The following KLF15 variants were observed in gnomAD, a reference collection of about 807,000 sequenced individuals.
The protein encoded by KLF15 is Krueppel-like factor 15.
A neutral mutation model predicts 24.6 loss-of-function variants in KLF15; 4 were observed. The observed-to-expected ratio is 0.16, with a 90% CI of 0.08 to 0.37. The LOEUF (loss-of-function observed/expected upper bound fraction) is 0.37, where lower values mean the gene tolerates loss of function less well. Among genes scored for constraint, KLF15 ranks in the 10% least tolerant of loss-of-function variants. The pLI is 1.00. For missense variants in KLF15, 496 were observed against 560.6 expected, an observed-to-expected ratio of 0.88 and a Z score of 1.16; for synonymous variants, 246 against 236.3, an observed-to-expected ratio of 1.04 and a Z score of -0.37.
chr3:126,302,059 C>T, the KLF15 span, among the ~76,000 whole-genome samples: 1 of 152,216 alleles, frequency 6.6e-6, no homozygotes, highest in East Asian at 1.9e-4. Flanking sequence ...ATAACATCTG[C>T]AAGTATTAAT....
At chr3:126,310,281 T>C in the KLF15 span, among the ~76,000 whole-genome samples, 1 of 152,204 alleles carries the variant, frequency 6.6e-6, no homozygotes. Flanking sequence ...AAAATACACA[T>C]CACTGAGACC....
the KLF15 span, among the ~76,000 whole-genome samples, chr3:126,295,887 C>T: frequency 6.6e-6 from 1 of 152,146 alleles, no homozygotes; most frequent in South Asian, 2.1e-4. Flanking sequence ...TAGCCAGGGA[C>T]CCCCTAAACC....
At position 126,352,902 on chromosome 3, in the gene KLF15, T is replaced by C; in HGVS notation, c.21A>G (p.Pro7=). 1.9e-6 allele frequency: 3 copies of C among 1,607,466 alleles called. No individual in the cohort carries two copies. The highest frequency in any genetic ancestry group is 1.7e-6 in the Non-Finnish European group (2 of 1,176,736). Residue 7 remains proline, a synonymous_variant, in exon 2 of 3, where the codon CCA becomes CCG. Coordinates refer to ENST00000296233, the MANE Select transcript of KLF15 (RefSeq NM_014079.4). ...TTGGCGACGAGAAGTTCTCGTCCAC[T>C]GGAAGTAAGTGGTCCACCATGCTGG... MVDHLL[P]VDENFSSPKC...
the KLF15 span, among the ~76,000 whole-genome samples, chr3:126,318,585 A>C: frequency 1.3e-5 from 2 of 152,224 alleles, no homozygotes; most frequent in Non-Finnish European, 2.9e-5. Context: ...ACTGTGCTCT[A>C]GGGACGATTT....
At chr3:126,316,603 A>AAGGGAGTGCACAGGCCAGAGTGGGGC in the KLF15 span, among the ~76,000 whole-genome samples, 3,144 of 142,310 alleles carry the variant, frequency 0.022, 138 homozygotes, top group African/African-American at 0.079. Context: ...GGGAGTGGGG[A>AAGGGAGTGCACAGGCCAGAGTGGGGC]AGGGAGTGCA....
chr3:126,344,037 A>G, intron 2 of KLF15, 142 bp from the exon 3 acceptor site: 1 of 797,112 alleles, frequency 1.3e-6, no homozygotes, highest in Non-Finnish European at 1.9e-6. Context: ...CTACAGGATT[A>G]GGGGAGGGTC....
At chr3:126,304,012 C>A in the KLF15 span, among the ~76,000 whole-genome samples, 2 of 151,942 alleles carry the variant, frequency 1.3e-5, no homozygotes, top group African/African-American at 4.8e-5. Context: ...GTTTTAATGC[C>A]TTTGTCTGAT....
At chr3:126,302,041 C>T in the KLF15 span, among the ~76,000 whole-genome samples, 10 of 152,050 alleles carry the variant, frequency 6.6e-5, no homozygotes, top group Non-Finnish European at 1.5e-4. Context: ...TCTCTAAGTA[C>T]TGCTTTAATA....
Position 126,352,417 on chromosome 3 carries a change from G to A in KLF15, c.506C>T (p.Ala169Val), listed in dbSNP as rs368953798. 2 of 1,613,514 alleles carry A rather than the reference G, an allele frequency of 1.2e-6. No individual in the cohort carries two copies. The highest frequency in any genetic ancestry group is 1.7e-6 in the Non-Finnish European group (2 of 1,179,916). The change falls in exon 2 of 3, where the codon GCC becomes GTC. Residue 169 changes from alanine (A) to valine (V), a missense_variant. Ala to Val is a moderately conservative substitution (Grantham distance 64, BLOSUM62 0). Around this residue, in one of 3 missense-constraint regions of KLF15, gnomAD observed 399 missense variants for 423.1 expected, o/e 0.94. Coordinates refer to ENST00000296233, the MANE Select transcript of KLF15 (RefSeq NM_014079.4). Reference sequence around the variant, plus strand: ...TGGCCCAGCTGAGAGCTGGCTGCAGGCATCCAAGTCCTTGCTGTTGCCCTC... The same window carrying A: ...TGGCCCAGCTGAGAGCTGGCTGCAGACATCCAAGTCCTTGCTGTTGCCCTC... ...VPEGNSKDLD[A>V]CSQLSAGPHK...
At chr3:126,341,683 G>T (rs944350707), downstream of KLF15, among the ~76,000 whole-genome samples, 1 of 152,088 alleles carries the variant, frequency 6.6e-6, no homozygotes, top group African/African-American at 2.4e-5. Flanking sequence ...TGAGATGCAC[G>T]ACCTCACACA....
chr3:126,313,445 C>T, the KLF15 span, among the ~76,000 whole-genome samples: 4 of 152,214 alleles, frequency 2.6e-5, no homozygotes, highest in Non-Finnish European at 4.4e-5. Flanking sequence ...ATTACATCTG[C>T]AGTGACCCTA....
chr3:126,308,372 T>C, the KLF15 span, among the ~76,000 whole-genome samples: 1 of 152,120 alleles, frequency 6.6e-6, no homozygotes, highest in East Asian at 1.9e-4. Context: ...TGGAAGGACA[T>C]ATGGCCTTGT....
At chr3:126,295,642 C>G in the KLF15 span, among the ~76,000 whole-genome samples, 1 of 152,234 alleles carries the variant, frequency 6.6e-6, no homozygotes, top group Non-Finnish European at 1.5e-5. Flanking sequence ...GTGAGACTGT[C>G]TGTCCCTTGA....
the KLF15 span, among the ~76,000 whole-genome samples, chr3:126,309,791 G>T: frequency 6.6e-6 from 1 of 152,154 alleles, no homozygotes; most frequent in Non-Finnish European, 1.5e-5. Flanking sequence ...TGATCCTGGT[G>T]ACTCTTATAG....
the KLF15 span, among the ~76,000 whole-genome samples, chr3:126,329,838 C>CT: frequency 2.2e-3 from 319 of 141,792 alleles, 1 homozygote; most frequent in East Asian, 7.6e-3. Context: ...TATTATTACA[C>CT]TTTTTTTTTT....
chr3:126,317,241 C>A, the KLF15 span, among the ~76,000 whole-genome samples: 13 of 152,264 alleles, frequency 8.5e-5, 1 homozygote, highest in East Asian at 2.5e-3. Flanking sequence ...TATACATTTC[C>A]CAAGAAGCAA....
At chr3:126,341,644 G>A (rs1576580198), downstream of KLF15, among the ~76,000 whole-genome samples, 1 of 152,070 alleles carries the variant, frequency 6.6e-6, no homozygotes, top group African/African-American at 2.4e-5. Context: ...TGTGCTGGGC[G>A]GCTGGTGAGA....
At chr3:126,317,270 T>C in the KLF15 span, among the ~76,000 whole-genome samples, 3 of 152,144 alleles carry the variant, frequency 2.0e-5, no homozygotes, top group Non-Finnish European at 2.9e-5. Flanking sequence ...TAGTCAGACA[T>C]GAGCAGGGCA....
chr3:126,298,547 C>G, the KLF15 span, among the ~76,000 whole-genome samples: 21 of 152,124 alleles, frequency 1.4e-4, no homozygotes, highest in African/African-American at 4.3e-4. Flanking sequence ...TTTGCCTAAG[C>G]CAATGTCTAC....
Sources: gnomAD v4.1 joint callset for allele counts (sites outside exome capture counted in the v4.1 genomes callset) on GRCh38, gnomAD v4.1.1 for gene constraint, gnomAD v4.1.1 regional missense constraint, MANE v1.5 for transcripts, NCBI Gene and HGNC (gene_info 2026-07-23, HGNC 2026-07-21) for gene names.